The following PCNX2 variants were observed in gnomAD, a reference collection of about 807,000 sequenced individuals.
PCNX2 encodes the protein pecanex-like protein 2.
PCNX2 carries 168 observed loss-of-function variants against 223.8 expected under a neutral mutation model. That is an observed-to-expected ratio of 0.75 (90% CI 0.66 to 0.85). The LOEUF (loss-of-function observed/expected upper bound fraction) is 0.85. PCNX2 is among the 40% of genes least tolerant of loss of function. PCNX2 has a pLI of 0.00. For synonymous variants in PCNX2, 1,006 were observed against 1,052.6 expected, an observed-to-expected ratio of 0.96 and a Z score of 0.86; for missense variants, 2,507 against 2,675.5, an observed-to-expected ratio of 0.94 and a Z score of 1.39.
chr1:233,223,535 G>T (rs1296226854), intron 10 of PCNX2, among the ~76,000 whole-genome samples: 1 of 152,116 alleles, frequency 6.6e-6, no homozygotes, highest in African/African-American at 2.4e-5. Flanking sequence ...ATGGTGGTTT[G>T]CTGCACCCAT....
chr1:233,312,244 C>T, the PCNX2 span, among the ~76,000 whole-genome samples: 1 of 151,836 alleles, frequency 6.6e-6, no homozygotes, highest in African/African-American at 2.4e-5. Flanking sequence ...CAAATAGGCA[C>T]AAAGGAAATG....
rs1318274803 is a variant in PCNX2 at position 232,990,217 on chromosome 1, G to C, written c.5792-3677C>G. 2.0e-5 allele frequency among the ~76,000 whole-genome samples: 3 copies of C among 152,218 alleles called. No individual in the cohort carries two copies. Among genetic ancestry groups the C allele is most frequent in the South Asian group, 2.1e-4 (1 of 4,832 alleles). On this transcript the variant is annotated intron_variant, in intron 32 of 33. Transcript: ENST00000258229. This position sits in a 1 kb window ranked among gnomAD's most constrained non-coding sequence, Gnocchi z 4.3. ...GTAGGTGGTTTCCGCAAAGTGTCCC[G>C]GGCAGGGCCAGGCAGAGCCGCCCCT...
intron 23 of PCNX2, among the ~76,000 whole-genome samples, chr1:233,076,202 A>G (rs541758888): frequency 1.3e-5 from 2 of 152,312 alleles, no homozygotes; most frequent in East Asian, 3.9e-4. Flanking sequence ...GGGGAGGTCC[A>G]ATGCCATTTA....
intron 21 of PCNX2, 106 bp downstream of exon 21, chr1:233,134,907 C>T: frequency 2.1e-6 from 2 of 962,494 alleles, no homozygotes; most frequent in Non-Finnish European, 3.1e-6. Flanking sequence ...ATTTCATATC[C>T]TCCCATAATT....
chr1:233,082,661 A>G (rs1162435057), intron 23 of PCNX2, among the ~76,000 whole-genome samples: 1 of 152,230 alleles, frequency 6.6e-6, no homozygotes, highest in East Asian at 1.9e-4. Context: ...TACTTAAGAA[A>G]AAAAATTGCC....
In PCNX2 at chr1:233,114,878, T is replaced by C. The variant is rs184965440; in HGVS notation, c.3838-19015A>G. The stretch of plus-strand genomic sequence containing the variant: ...CACGGTCTTAGGGAAGGGCCTACAC[T>C]TTCAGGGGTTTTACTTCCAGAAACC... On this transcript the variant is annotated intron_variant, in intron 21 of 33. Coordinates refer to ENST00000258229, the MANE Select transcript of PCNX2 (RefSeq NM_014801.4). Among the ~76,000 whole-genome samples the C allele has an allele frequency of 2.3e-3, 346 of 152,280 alleles. 1 individual carries two copies. Among genetic ancestry groups the C allele is most frequent in the African/African-American group, 7.7e-3 (322 of 41,550 alleles).
chr1:233,162,116 T>C (rs1459635365), intron 17 of PCNX2, among the ~76,000 whole-genome samples: 1 of 152,060 alleles, frequency 6.6e-6, no homozygotes, highest in Non-Finnish European at 1.5e-5. Flanking sequence ...AACTGTAGTG[T>C]AAGCAGTGGC....
At chr1:233,313,050 C>T in the PCNX2 span, among the ~76,000 whole-genome samples, 1 of 152,078 alleles carries the variant, frequency 6.6e-6, no homozygotes, top group African/African-American at 2.4e-5. Context: ...AAGGAAGAAA[C>T]TAAAATTACA....
intron 1 of PCNX2, chr1:233,289,139 CT>C: frequency 1.1e-6 from 1 of 874,898 alleles, no homozygotes. Flanking sequence ...TCCAAGTTGG[CT>C]TAGGCAGGAT....
At chr1:233,213,277 G>C (rs1311167492) in intron 12 of PCNX2, among the ~76,000 whole-genome samples, 2 of 151,974 alleles carry the variant, frequency 1.3e-5, no homozygotes, top group Non-Finnish European at 2.9e-5. Flanking sequence ...CTGAGAAATG[G>C]TCACAGCCAA....
intron 10 of PCNX2, among the ~76,000 whole-genome samples, chr1:233,226,355 C>T (rs529787358): frequency 1.4e-4 from 21 of 152,240 alleles, no homozygotes; most frequent in African/African-American, 2.4e-4. Flanking sequence ...CTGCAGCCTC[C>T]GCCTCCTGGG....
intron 21 of PCNX2, among the ~76,000 whole-genome samples, chr1:233,102,357 T>C (rs1674536043): frequency 6.6e-6 from 1 of 152,196 alleles, no homozygotes; most frequent in Non-Finnish European, 1.5e-5. Context: ...ACAGATATCT[T>C]TTTAATATGG....
the PCNX2 span, among the ~76,000 whole-genome samples, chr1:233,326,127 T>A: frequency 6.6e-6 from 1 of 152,242 alleles, no homozygotes; most frequent in South Asian, 2.1e-4. Context: ...AATTAAGGTA[T>A]AAACATTCTT....
At chr1:233,013,960 T>C (rs1431101713) in intron 28 of PCNX2, among the ~76,000 whole-genome samples, 2 of 145,996 alleles carry the variant, frequency 1.4e-5, no homozygotes, top group East Asian at 2.1e-4. Context: ...CCACAGCCCA[T>C]AGTGCTAAAA....
chr1:233,112,007 G>A (rs1353705088), intron 21 of PCNX2, among the ~76,000 whole-genome samples: 2 of 152,128 alleles, frequency 1.3e-5, no homozygotes, highest in Non-Finnish European at 2.9e-5. Flanking sequence ...TTTCTGATAA[G>A]ACAGGTATTT....
chr1:233,259,624 T>A (rs369827787), intron 4 of PCNX2, among the ~76,000 whole-genome samples: 3 of 152,050 alleles, frequency 2.0e-5, no homozygotes, highest in East Asian at 3.9e-4. Context: ...TCTCTCCCCT[T>A]GCCCCCCACC....
chr1:233,312,680 T>C, the PCNX2 span, among the ~76,000 whole-genome samples: 1 of 152,156 alleles, frequency 6.6e-6, no homozygotes, highest in Non-Finnish European at 1.5e-5. Flanking sequence ...TCAATCACAA[T>C]TATGAATGAT....
intron 5 of PCNX2, among the ~76,000 whole-genome samples, chr1:233,255,534 A>T (rs1659689628): frequency 6.6e-6 from 1 of 152,218 alleles, no homozygotes; most frequent in African/African-American, 2.4e-5. Flanking sequence ...ACAAAGTAAA[A>T]TAAAATTGTG....
At chr1:233,309,986 TAA>T in the PCNX2 span, among the ~76,000 whole-genome samples, 3 of 152,090 alleles carry the variant, frequency 2.0e-5, no homozygotes, top group Non-Finnish European at 2.9e-5. Flanking sequence ...AAATAAATAA[TAA>T]AGTTATTAAT....
Sources: gnomAD v4.1 joint callset for allele counts (sites outside exome capture counted in the v4.1 genomes callset) on GRCh38, gnomAD v4.1.1 for gene constraint, Gnocchi (gnomAD v3.1) non-coding constraint, MANE v1.5 for transcripts, NCBI Gene and HGNC (gene_info 2026-07-23, HGNC 2026-07-21) for gene names.